The following GNS variants were observed in gnomAD, a reference collection of about 807,000 sequenced individuals.
The protein encoded by GNS is N-acetylglucosamine-6-sulfatase.
A neutral mutation model predicts 69.7 loss-of-function variants in GNS; 40 were observed. The ratio of observed to expected loss-of-function variants is 0.57; its 90% CI spans 0.45 to 0.75. The LOEUF is 0.75. GNS is among the 30% of genes least tolerant of loss of function. The pLI is 0.00. For missense variants in GNS, 565 were observed against 685.5 expected (o/e 0.82, Z 1.96); for synonymous variants, 243 against 251.6 (o/e 0.97, Z 0.32).
intron 13 of GNS, 99 bp downstream of exon 13, chr12:64,719,923 A>T: frequency 1.2e-6 from 1 of 810,746 alleles, no homozygotes; most frequent in Non-Finnish European, 2.2e-6. Context: ...AAAGCAGAAG[A>T]ATCATCATCT....
chr12:64,757,596 G>C (rs948930073), intron 1 of GNS, among the ~76,000 whole-genome samples: 2 of 152,098 alleles, frequency 1.3e-5, no homozygotes, highest in African/African-American at 2.4e-5. Context: ...CAAAATGCAA[G>C]CCTCTTAAAA....
chr12:64,749,354 G>A (rs1223203160), intron 2 of GNS, among the ~76,000 whole-genome samples: 7 of 131,800 alleles, frequency 5.3e-5, no homozygotes, highest in African/African-American at 1.2e-4. Flanking sequence ...CTGGGTTCAC[G>A]CCATTCTCCT....
intron 11 of GNS, among the ~76,000 whole-genome samples, chr12:64,722,237 C>T (rs1436351765): frequency 6.6e-6 from 1 of 151,998 alleles, no homozygotes; most frequent in African/African-American, 2.4e-5. Flanking sequence ...AGGCTGGTCT[C>T]GAACTCCTGA....
At chr12:64,721,759 A>G (rs2136237336) in intron 11 of GNS, 54 bp from the exon 12 acceptor site, 2 of 935,088 alleles carry the variant, frequency 2.1e-6, no homozygotes. Flanking sequence ...AGTAACAAAT[A>G]CCTAGTTGCC....
At chr12:64,733,791 T>C (rs1431459578) in intron 9 of GNS, among the ~76,000 whole-genome samples, 1 of 152,258 alleles carries the variant, frequency 6.6e-6, no homozygotes, top group Non-Finnish European at 1.5e-5. Context: ...GACGGTGCTG[T>C]GTCATTCTAG....
At chr12:64,737,184 C>G in intron 8 of GNS, 77 bp from the exon 9 acceptor site, 1 of 843,160 alleles carries the variant, frequency 1.2e-6, no homozygotes, top group East Asian at 2.4e-5. Context: ...TCATTTAATC[C>G]ACAGCCAAAA....
chr12:64,721,380 G>GT (rs1295104307), intron 12 of GNS, among the ~76,000 whole-genome samples: 1 of 152,224 alleles, frequency 6.6e-6, no homozygotes, highest in East Asian at 1.9e-4. Context: ...TATTTGGGTG[G>GT]TGGTGGGAGT....
chr12:64,747,883 G>T lies in GNS; in HGVS notation c.288C>A (p.Ala96=). The change falls in exon 3 of 14, where the codon GCC becomes GCA. Residue 96 remains alanine, a synonymous_variant. Coordinates refer to ENST00000258145, the MANE Select transcript of GNS (RefSeq NM_002076.4). The part of the protein sequence containing the change: ...VPSALCCPSR[A]SILTGKYPHN... The stretch of plus-strand genomic sequence containing the variant: ...GTGGGTACTTTCCTGTCAGGATACT[G>T]GCTCTGCTGGGGCAGCAGAGAGCAC... The T allele has an allele frequency of 6.2e-7, 1 of 1,610,594 alleles. No homozygotes were observed. Among genetic ancestry groups the T allele is most frequent in the Non-Finnish European group, 8.5e-7 (1 of 1,176,838 alleles).
intron 3 of GNS, among the ~76,000 whole-genome samples, chr12:64,747,339 A>G (rs1359294124): frequency 2.0e-5 from 3 of 152,244 alleles, no homozygotes. Context: ...TTAGATACTG[A>G]TAACAAGGAA....
At position 64,759,355 on chromosome 12, in the gene GNS, C is replaced by T; in HGVS notation, c.-79G>A. 1.0e-6 allele frequency: 1 copy of T among 970,358 alleles called. No homozygotes were observed. Among genetic ancestry groups the T allele is most frequent in the Non-Finnish European group, 1.5e-6 (1 of 674,582 alleles). 60.1% of individuals were successfully genotyped at this position (970,358 alleles called of 1,614,324 possible). On this transcript the variant is annotated 5_prime_UTR_variant, in exon 1 of 14. Coordinates refer to ENST00000258145, the MANE Select transcript of GNS (RefSeq NM_002076.4). ...GGTAGCTGAAGGGCGAGAGGCCGAC[C>T]AGCCGAAGGAATAAAAAGCCGTGCC...
intron 10 of GNS, among the ~76,000 whole-genome samples, chr12:64,728,001 G>T (rs1869262232): frequency 6.6e-6 from 1 of 152,168 alleles, no homozygotes; most frequent in South Asian, 2.1e-4. Context: ...TCGGCTCACT[G>T]CAATCTCCAC....
rs1202145812 is a variant in GNS at position 64,714,409 on chromosome 12, T to C, written c.*2332A>G. 2.6e-5 allele frequency: 4 copies of C among 152,036 alleles called. No homozygotes were observed. Among genetic ancestry groups the C allele is most frequent in the Non-Finnish European group, 5.9e-5 (4 of 67,914 alleles). The allele number at this position is 152,036 out of a possible 1,614,324, so 9.4% of individuals were successfully genotyped here. On this transcript the variant is annotated 3_prime_UTR_variant, in exon 14 of 14. Coordinates refer to ENST00000258145, the MANE Select transcript of GNS (RefSeq NM_002076.4). The stretch of plus-strand genomic sequence containing the variant: ...CTTGCAGTGGGTCCCTTAAACATTA[T>C]GAAAACATCAGTGCATTGTGTAGTC...
intron 9 of GNS, among the ~76,000 whole-genome samples, chr12:64,733,513 C>T (rs1317922617): frequency 6.6e-6 from 1 of 152,082 alleles, no homozygotes; most frequent in African/African-American, 2.4e-5. Context: ...AGGCTCCAAA[C>T]ATACCAGAAA....
At chr12:64,756,974 T>C (rs1220673079) in intron 1 of GNS, among the ~76,000 whole-genome samples, 1 of 150,830 alleles carries the variant, frequency 6.6e-6, no homozygotes, top group Non-Finnish European at 1.5e-5. Context: ...AGTCCAGGAG[T>C]TCAAGACCGA....
rs1157363541 is a variant in GNS at position 64,759,151 on chromosome 12, C to T, written c.126G>A (p.Ala42=). ...GCACCACGTTGGGCCTCCGGGTTCCCGCAGCCACCCCGAAGACCCCCAGGC... is the reference window on the plus strand; with the variant it reads ...GCACCACGTTGGGCCTCCGGGTTCCTGCAGCCACCCCGAAGACCCCCAGGC... ...GGCLGVFGVA[A]GTRRPNVVLL... The change falls in exon 1 of 14, where the codon GCG becomes GCA. Residue 42 remains alanine, a synonymous_variant. Coordinates refer to ENST00000258145, the MANE Select transcript of GNS (RefSeq NM_002076.4). The T allele has an allele frequency of 7.7e-6, 12 of 1,556,916 alleles. No homozygotes were observed. Among genetic ancestry groups the T allele is most frequent in the Admixed American group, 5.8e-5 (3 of 51,534 alleles).
intron 10 of GNS, among the ~76,000 whole-genome samples, chr12:64,726,532 C>A (rs1244888): frequency 0.69 from 105,590 of 152,046 alleles, 38,124 homozygotes; most frequent in African/African-American, 0.9. Context: ...CAATATATAC[C>A]TTCAATTCTT....
Position 64,720,072 on chromosome 12 carries a change from T to C in GNS, c.1530A>G (p.Leu510=). 3 of 1,610,852 alleles carry C rather than the reference T, an allele frequency of 1.9e-6. No individual in the cohort carries two copies. The highest frequency in any genetic ancestry group is 2.5e-6 in the Non-Finnish European group (3 of 1,176,970). Residue 510 remains leucine (L), a synonymous_variant, in exon 13 of 14, where the codon TTA becomes TTG. Coordinates refer to ENST00000258145, the MANE Select transcript of GNS (RefSeq NM_002076.4). ...LGKMNYRLMM[L]QSCSGPTCRT... is the part of the protein sequence containing the mutation. ...GACAGGTTGGCCCAGAACAGGACTG[T>C]AACATCATTAACCGATAGTTCATCT... is the stretch of plus-strand genomic sequence containing the variant.
At chr12:64,753,829 C>T (rs963692168) in intron 1 of GNS, among the ~76,000 whole-genome samples, 6 of 152,146 alleles carry the variant, frequency 3.9e-5, no homozygotes, top group Non-Finnish European at 8.8e-5. Flanking sequence ...TGCCAAGAGA[C>T]GCTAGAGAAG....
At chr12:64,748,128 A>G (rs1869953300) in intron 2 of GNS, among the ~76,000 whole-genome samples, 1 of 152,138 alleles carries the variant, frequency 6.6e-6, no homozygotes, top group Admixed American at 6.5e-5. Flanking sequence ...ACAAACTGAG[A>G]ACGGATTTCT....
Sources: allele counts gnomAD v4.1 joint callset (sites outside exome capture counted in the v4.1 genomes callset), GRCh38; gene constraint gnomAD v4.1.1; transcripts MANE v1.5; gene names NCBI Gene and HGNC (gene_info 2026-07-23, HGNC 2026-07-21).